The following CLEC4D variants were observed in gnomAD, a reference collection of about 807,000 sequenced individuals.
The protein encoded by CLEC4D is C-type (calcium dependent, carbohydrate-recognition domain) lectin, superfamily member 8.
In CLEC4D, 21 loss-of-function variants were observed where a neutral mutation model predicts 21.1. The observed-to-expected ratio is 1.00, with a 90% confidence interval of 0.71 to 1.43. The LOEUF is 1.43. CLEC4D is among the 40% of genes most tolerant of loss of function. CLEC4D has a pLI of 0.00. For missense variants in CLEC4D, 289 were observed against 260.7 expected (o/e 1.11, Z -0.75); for synonymous variants, 85 against 83.1 (o/e 1.02, Z -0.12).
intron 1 of CLEC4D, 50 bp from the exon 2 acceptor site, chr12:8,515,186 C>T: frequency 1.1e-6 from 1 of 905,174 alleles, no homozygotes; most frequent in Non-Finnish European, 1.9e-6. Flanking sequence ...ATTAGCTTTC[C>T]TAGCTTGTAG....
chr12:8,515,203 G>A, intron 1 of CLEC4D, 33 bp from the exon 2 acceptor site: 1 of 957,896 alleles, frequency 1.0e-6, no homozygotes, highest in Non-Finnish European at 1.7e-6. Flanking sequence ...GTAGCTGAGA[G>A]GAGGTTAATC....
intron 2 of CLEC4D, among the ~76,000 whole-genome samples, chr12:8,517,130 T>C (rs1940391323): frequency 6.6e-6 from 1 of 152,158 alleles, no homozygotes; most frequent in South Asian, 2.1e-4. Context: ...GGAGAGTGGT[T>C]ACCTATAAAG....
chr12:8,528,769 C>T, the CLEC4D span, among the ~76,000 whole-genome samples: 24 of 151,956 alleles, frequency 1.6e-4, no homozygotes, highest in Non-Finnish European at 3.4e-4. Flanking sequence ...TGAAATGCCT[C>T]TTCAGAGTAA....
At chr12:8,529,130 G>A in the CLEC4D span, among the ~76,000 whole-genome samples, 1 of 152,170 alleles carries the variant, frequency 6.6e-6, no homozygotes, top group African/African-American at 2.4e-5. Flanking sequence ...ACTTAGCAAA[G>A]TAATGGCTGT....
rs547193189 is a variant in CLEC4D, at chr12:8,521,588, A to G, written c.*317A>G. On this transcript the variant is annotated 3_prime_UTR_variant, in exon 6 of 6. Coordinates refer to ENST00000299665, the MANE Select transcript of CLEC4D (RefSeq NM_080387.5). ...GCATGTATGGAAGAATAGCGTGAATAATGCAATCTCTTTGTCATTTTTCCC... is the reference window on the plus strand; with the variant it reads ...GCATGTATGGAAGAATAGCGTGAATGATGCAATCTCTTTGTCATTTTTCCC... 4.9e-6 allele frequency: 1 copy of G among 204,180 alleles called. No individual in the cohort carries two copies. Among genetic ancestry groups the G allele is most frequent in the Non-Finnish European group, 9.2e-6 (1 of 109,238 alleles). The allele number at this position is 204,180 out of a possible 1,614,324, so 12.6% of individuals were successfully genotyped here.
At chr12:8,515,174 G>A (rs989184715) in intron 1 of CLEC4D, 62 bp from the exon 2 acceptor site, 13 of 863,560 alleles carry the variant, frequency 1.5e-5, no homozygotes, top group South Asian at 1.3e-4. Flanking sequence ...CTCCTTGGTA[G>A]AATTAGCTTT....
chr12:8,521,377 C>T lies in CLEC4D; in HGVS notation c.*106C>T, dbSNP rs759063641. ...AACACAGAAAACATGCTGGTTCATACAGCGTTTTTAGTCATAATGGTCTTT... is the reference window on the plus strand; with the variant it reads ...AACACAGAAAACATGCTGGTTCATATAGCGTTTTTAGTCATAATGGTCTTT... On this transcript the variant is annotated 3_prime_UTR_variant, in exon 6 of 6. Coordinates refer to ENST00000299665, the MANE Select transcript of CLEC4D (RefSeq NM_080387.5). 21 of 1,487,236 alleles carry T rather than the reference C, an allele frequency of 1.4e-5. No individual in the cohort carries two copies. The East Asian group carries it at 2.7e-4, about 19-fold the overall frequency. 92.1% of individuals were successfully genotyped at this position (1,487,236 alleles called of 1,614,324 possible).
chr12:8,515,591 A>G (rs1463219760), intron 2 of CLEC4D, among the ~76,000 whole-genome samples: 3 of 152,068 alleles, frequency 2.0e-5, no homozygotes, highest in African/African-American at 7.2e-5. Context: ...ATTTCCCCCC[A>G]TTTTGGACTG....
chr12:8,523,649 A>T (rs1412469876), downstream of CLEC4D, among the ~76,000 whole-genome samples: 1 of 152,174 alleles, frequency 6.6e-6, no homozygotes, highest in African/African-American at 2.4e-5. Flanking sequence ...GCAAACAGAG[A>T]CAACTTGACT....
At chr12:8,515,913 G>T (rs975947827) in intron 2 of CLEC4D, among the ~76,000 whole-genome samples, 1 of 152,042 alleles carries the variant, frequency 6.6e-6, no homozygotes, top group Non-Finnish European at 1.5e-5. Flanking sequence ...TGATATAGGT[G>T]CAAGACAAAT....
chr12:8,519,984 CACTT>C (rs879711373), intron 4 of CLEC4D, among the ~76,000 whole-genome samples: 14 of 152,200 alleles, frequency 9.2e-5, no homozygotes, highest in Non-Finnish European at 1.9e-4. Flanking sequence ...AGTCTGACCT[CACTT>C]AATCTTCCTA....
chr12:8,515,259 C>T lies in CLEC4D; in HGVS notation c.52C>T (p.Leu18=), dbSNP rs774087476. 1.1e-5 allele frequency: 17 copies of T among 1,504,642 alleles called. No individual in the cohort carries two copies. Among genetic ancestry groups the T allele is most frequent in the East Asian group, 2.3e-5 (1 of 44,394 alleles). The allele number at this position is 1,504,642 out of a possible 1,614,324, so 93.2% of individuals were successfully genotyped here. A position where few individuals can be genotyped will look rare whatever the true frequency, so the allele number is the denominator to read the frequency against. Residue 18 remains leucine (L), a synonymous_variant, in exon 2 of 6, where the codon CTG becomes TTG. Coordinates refer to ENST00000299665, the MANE Select transcript of CLEC4D (RefSeq NM_080387.5). ...AGTGGAAGGAGGCATGCATCCCCAG[C>T]TGATACCTTCGGTTATTGCTGTAGT... ...SKLEGGMHPQ[L]IPSVIAVVFI...
chr12:8,516,325 G>A (rs765603775), intron 2 of CLEC4D, among the ~76,000 whole-genome samples: 3 of 152,148 alleles, frequency 2.0e-5, no homozygotes, highest in Admixed American at 1.3e-4. Flanking sequence ...AAAATAAAAA[G>A]CCATAGGAGA....
intron 2 of CLEC4D, among the ~76,000 whole-genome samples, chr12:8,517,499 ATTTG>A (rs1207894795): frequency 7.2e-6 from 1 of 139,138 alleles, no homozygotes; most frequent in Non-Finnish European, 1.5e-5. Context: ...GGAAGGGTAC[ATTTG>A]TTTATATATT....
chr12:8,527,227 A>T (rs940269032), downstream of CLEC4D, among the ~76,000 whole-genome samples: 3 of 152,084 alleles, frequency 2.0e-5, no homozygotes, highest in Non-Finnish European at 4.4e-5. Flanking sequence ...CTTGGTGGAG[A>T]GGGTGTGTTT....
At chr12:8,516,473 G>A (rs1262246020) in intron 2 of CLEC4D, among the ~76,000 whole-genome samples, 1 of 152,148 alleles carries the variant, frequency 6.6e-6, no homozygotes, top group Non-Finnish European at 1.5e-5. Context: ...AGAGAAAAAT[G>A]AAATGTCTAA....
intron 3 of CLEC4D, 78 bp downstream of exon 3, chr12:8,518,352 G>T (rs1379157919): frequency 9.8e-6 from 7 of 712,156 alleles, no homozygotes; most frequent in Non-Finnish European, 1.8e-5. Flanking sequence ...AATGTCAGTA[G>T]TGAACCAGGA....
rs1353784633 is a variant in CLEC4D, at chr12:8,518,197, G to T, written c.155G>T (p.Gly52Val). Residue 52 changes from glycine (G) to valine (V), a missense_variant, in exon 3 of 6, where the codon GGC (glycine) becomes GTC (valine). By Grantham distance (109) the Gly-to-Val change is moderately radical. Coordinates refer to ENST00000299665, the MANE Select transcript of CLEC4D (RefSeq NM_080387.5). The part of the protein sequence containing the change: ...THHNFSRCKR[G>V]TGVHKLEHHA... ...CACAACTTTTCACGCTGTAAGAGAGGCACAGGAGTGCACAAGTTAGAGCAC... is the reference window on the plus strand; with the variant it reads ...CACAACTTTTCACGCTGTAAGAGAGTCACAGGAGTGCACAAGTTAGAGCAC... The T allele has an allele frequency of 1.4e-6, 2 of 1,396,712 alleles. No individual in the cohort carries two copies. The highest frequency in any genetic ancestry group is 2.0e-6 in the Non-Finnish European group (2 of 982,086). 86.5% of individuals were successfully genotyped at this position (1,396,712 alleles called of 1,614,324 possible). A position where few individuals can be genotyped will look rare whatever the true frequency, so the allele number is the denominator to read the frequency against.
In CLEC4D at chr12:8,513,600, C is replaced by T. The variant is rs76806562; in HGVS notation, c.-133C>T. On this transcript the variant is annotated 5_prime_UTR_variant, in exon 1 of 6. Transcript: ENST00000299665. ...TACTGGTACCTTTCTAATCTCACTA[C>T]AATATGTAACATTGGTGTTCGATCT... is the stretch of plus-strand genomic sequence containing the variant. 2,516 of 544,564 alleles carry T rather than the reference C, an allele frequency of 4.6e-3. 42 individuals carry two copies. The highest frequency in any genetic ancestry group is 0.041 in the African/African-American group (2,159 of 52,658). 33.7% of individuals were successfully genotyped at this position (544,564 alleles called of 1,614,324 possible).
Sources: allele counts gnomAD v4.1 joint callset (sites outside exome capture counted in the v4.1 genomes callset), GRCh38; gene constraint gnomAD v4.1.1; transcripts MANE v1.5; gene names NCBI Gene and HGNC (gene_info 2026-07-23, HGNC 2026-07-21).